PRAG1: variants seen among roughly 807,000 people sequenced by gnomAD.
PRAG1 encodes the protein inactive tyrosine-protein kinase PRAG1.
A neutral mutation model predicts 95.6 loss-of-function variants in PRAG1; 110 were observed. That is an observed-to-expected ratio of 1.15 (90% CI 0.99 to 1.35). The LOEUF is 1.35. Among genes scored for constraint, PRAG1 ranks in the 40% most tolerant of loss-of-function variants. The probability of loss-of-function intolerance (pLI) is 0.00; values close to 1 mark genes in which losing one functional copy is unlikely to be tolerated. For missense variants in PRAG1, 2,554 were observed against 1,864.7 expected, an observed-to-expected ratio of 1.37 and a Z score of -6.81; for synonymous variants, 1,052 against 819.4, an observed-to-expected ratio of 1.28 and a Z score of -4.85.
At chr8:8,385,969 A>T (rs1330339778) in intron 1 of PRAG1, among the ~76,000 whole-genome samples, 1 of 152,044 alleles carries the variant, frequency 6.6e-6, no homozygotes, top group Non-Finnish European at 1.5e-5. Flanking sequence ...AGCAGTCCTC[A>T]AAGCGCTTCA....
chr8:8,362,928 T>C (rs762745352), intron 3 of PRAG1, among the ~76,000 whole-genome samples: 16 of 152,198 alleles, frequency 1.1e-4, no homozygotes, highest in Non-Finnish European at 2.1e-4. Context: ...TAAAGGCTTA[T>C]AGAAGCAATA....
At chr8:8,369,552 C>T (rs1800124303) in intron 3 of PRAG1, among the ~76,000 whole-genome samples, 1 of 152,202 alleles carries the variant, frequency 6.6e-6, no homozygotes, top group Non-Finnish European at 1.5e-5. Context: ...AAACACGGCA[C>T]TGTCTCTGTT....
intron 3 of PRAG1, among the ~76,000 whole-genome samples, chr8:8,342,030 C>A (rs546947836): frequency 6.6e-6 from 1 of 151,974 alleles, no homozygotes; most frequent in Admixed American, 6.6e-5. Context: ...ACTTGGGAGA[C>A]TGAGGCAGTA....
intron 3 of PRAG1, among the ~76,000 whole-genome samples, chr8:8,347,516 T>C (rs1003115580): frequency 6.6e-6 from 1 of 152,232 alleles, no homozygotes; most frequent in Admixed American, 6.5e-5. Context: ...TCATTTATTC[T>C]CTACTATTTA....
Position 8,376,319 on chromosome 8 carries a change from A to G in PRAG1, c.2090T>C (p.Phe697Ser), listed in dbSNP as rs1800388120. Residue 697 changes from phenylalanine to serine, a missense_variant, in exon 3 of 6, where the codon TTT becomes TCT. By Grantham distance (155) the Phe-to-Ser change is radical (BLOSUM62 -2). Transcript: ENST00000615670. The part of the protein sequence containing the change: ...VGTGMSKSAS[F>S]AFEFPKDRSG... ...TCTGTCCTTGGGGAACTCAAAGGCA[A>G]AAGAGGCGGATTTGCTCATCCCGGT... 6.2e-7 allele frequency: 1 copy of G among 1,614,056 alleles called. No individual in the cohort carries two copies. The highest frequency in any genetic ancestry group is 1.3e-5 in the African/African-American group (1 of 74,916).
At chr8:8,366,902 T>C (rs1800025664) in intron 3 of PRAG1, among the ~76,000 whole-genome samples, 1 of 152,072 alleles carries the variant, frequency 6.6e-6, no homozygotes, top group South Asian at 2.1e-4. Context: ...GGTCTTGAAC[T>C]CCTGGGTGCA....
chr8:8,377,414 G>A lies in PRAG1; in HGVS notation c.995C>T (p.Ser332Leu), dbSNP rs778690956. 19 of 1,571,756 alleles carry A rather than the reference G, an allele frequency of 1.2e-5. No individual in the cohort carries two copies. The highest frequency in any genetic ancestry group is 1.7e-4 in the Middle Eastern group (1 of 5,820). The stretch of plus-strand genomic sequence containing the variant: ...GCCGTCGGAAGAAATGGCAGCCTCC[G>A]AGGTGAGGGACAGTTTCTTGGGGCC... ...CLGPKKLSLT[S>L]EAAISSDGLS... The change falls in exon 3 of 6, where the codon TCG becomes TTG. Residue 332 changes from serine (S) to leucine (L), a missense_variant. Physicochemically the swap from Ser to Leu is moderately radical, Grantham distance 145. Transcript: ENST00000615670.
intron 3 of PRAG1, among the ~76,000 whole-genome samples, chr8:8,371,711 A>C (rs765058687): frequency 6.6e-6 from 1 of 152,120 alleles, no homozygotes. Context: ...CTCTACAAAA[A>C]TATAAAAATT....
chr8:8,327,937 C>G lies in PRAG1; in HGVS notation c.2845G>C (p.Glu949Gln). The G allele has an allele frequency of 6.2e-7, 1 of 1,613,216 alleles. No individual in the cohort carries two copies. Among genetic ancestry groups the G allele is most frequent in the Non-Finnish European group, 8.5e-7 (1 of 1,179,458 alleles). The change falls in exon 5 of 6, where the codon GAG becomes CAG. Residue 949 changes from glutamate (E) to glutamine (Q), a missense_variant. Physicochemically the swap from Glu to Gln is conservative, Grantham distance 29 (BLOSUM62 2). Coordinates refer to ENST00000615670, the MANE Select transcript of PRAG1 (RefSeq NM_001080826.3). ...CCCCCCAGCTTGGCATAGGTGCCCT[C>G]CTTGCTGCTGATGTTGCTCAGGAGA... ...HGLLSNISSK[E>Q]GTYAKLGGLY...
intron 3 of PRAG1, among the ~76,000 whole-genome samples, chr8:8,360,216 A>G (rs555445143): frequency 2.4e-4 from 36 of 152,230 alleles, no homozygotes; most frequent in Middle Eastern, 3.4e-3. Context: ...GCTTTTTCCA[A>G]TTCAGGACAT....
At chr8:8,344,665 T>C (rs112105337) in intron 3 of PRAG1, among the ~76,000 whole-genome samples, 1 of 152,222 alleles carries the variant, frequency 6.6e-6, no homozygotes, top group Admixed American at 6.5e-5. Context: ...CTTCACTGCA[T>C]GCTTGGAATA....
chr8:8,354,975 G>A (rs1001435083), intron 3 of PRAG1, among the ~76,000 whole-genome samples: 2 of 151,960 alleles, frequency 1.3e-5, no homozygotes, highest in African/African-American at 4.8e-5. Flanking sequence ...AAAAAAGGAA[G>A]AAGTAAAATT....
chr8:8,349,663 A>G (rs1260485345), intron 3 of PRAG1, among the ~76,000 whole-genome samples: 2 of 152,108 alleles, frequency 1.3e-5, no homozygotes, highest in Non-Finnish European at 2.9e-5. Context: ...TGCCAGCTGA[A>G]AAAACTGATA....
At chr8:8,361,930 G>C (rs148973207) in intron 3 of PRAG1, among the ~76,000 whole-genome samples, 1 of 152,058 alleles carries the variant, frequency 6.6e-6, no homozygotes, top group African/African-American at 2.4e-5. Flanking sequence ...ATCTTTCTTC[G>C]CTCCCAATTT....
rs200664572 is a variant in PRAG1, at chr8:8,376,841, A to G, written c.1568T>C (p.Leu523Pro). The change falls in exon 3 of 6, where the codon CTG becomes CCG. Residue 523 changes from leucine (L) to proline (P), a missense_variant. Leu to Pro is a moderately conservative substitution (Grantham distance 98). Transcript: ENST00000615670. ...GTGAGCATGGCTTTCCCTGGAGCTC[A>G]GCCCCTGCCCAGCCGAAGTCTCCTC... ...GEEETSAGQG[L>P]SSRESHAHSA... 6 of 1,612,862 alleles carry G rather than the reference A, an allele frequency of 3.7e-6. No homozygotes were observed. The highest frequency in any genetic ancestry group is 5.1e-6 in the Non-Finnish European group (6 of 1,180,000).
chr8:8,379,168 C>G (rs1302684238), intron 2 of PRAG1, among the ~76,000 whole-genome samples: 1 of 152,076 alleles, frequency 6.6e-6, no homozygotes, highest in Non-Finnish European at 1.5e-5. Context: ...TGAACTGGAC[C>G]TGGGCTTCCT....
intron 2 of PRAG1, 91 bp from the exon 3 acceptor site, chr8:8,378,169 C>G: frequency 7.0e-7 from 1 of 1,430,050 alleles, no homozygotes; most frequent in Non-Finnish European, 9.3e-7. Context: ...GGCAACGATA[C>G]TGTAGAATGT....
intron 3 of PRAG1, among the ~76,000 whole-genome samples, chr8:8,342,818 A>G (rs770883494): frequency 9.9e-5 from 15 of 152,254 alleles, no homozygotes; most frequent in Non-Finnish European, 1.8e-4. Flanking sequence ...AGAAAAAATA[A>G]CGAGAAAACT....
At chr8:8,324,754 G>C (rs939069) in intron 5 of PRAG1, among the ~76,000 whole-genome samples, 37,357 of 152,016 alleles carry the variant, frequency 0.25, 4,779 homozygotes, top group East Asian at 0.34. Context: ...AATCATGTCT[G>C]TTAAATAAAA....
Sources: gnomAD v4.1 joint callset for allele counts (sites outside exome capture counted in the v4.1 genomes callset) on GRCh38, gnomAD v4.1.1 for gene constraint, MANE v1.5 for transcripts, NCBI Gene and HGNC (gene_info 2026-07-23, HGNC 2026-07-21) for gene names.